The following SRPK2 variants were observed in gnomAD, a reference collection of about 807,000 sequenced individuals.
SRPK2 encodes SRSF protein kinase 2, also known as SFRS protein kinase 2.
SRPK2 carries 21 observed loss-of-function variants against 90.8 expected under a neutral mutation model. That is an observed-to-expected ratio of 0.23 (90% CI 0.16 to 0.33). SRPK2 has a LOEUF of 0.33. Among genes scored for constraint, SRPK2 ranks in the 10% least tolerant of loss-of-function variants. SRPK2 has a pLI of 1.00. For synonymous variants in SRPK2, 288 were observed against 311.1 expected (o/e 0.93, Z 0.78); for missense variants, 620 against 869.0 (o/e 0.71, Z 3.60).
chr7:105,251,256 G>C (rs1274833111), intron 2 of SRPK2, among the ~76,000 whole-genome samples: 1 of 152,176 alleles, frequency 6.6e-6, no homozygotes, highest in African/African-American at 2.4e-5. Flanking sequence ...AAAAGATCTG[G>C]TGTTTCTTAT....
chr7:105,360,807 G>A (rs570203082), intron 2 of SRPK2, among the ~76,000 whole-genome samples: 2 of 152,084 alleles, frequency 1.3e-5, no homozygotes, highest in Non-Finnish European at 2.9e-5. Flanking sequence ...CAATAAATTC[G>A]GTATTGACAG....
In SRPK2 at chr7:105,262,436, C is replaced by G. The variant is rs547285489; in HGVS notation, c.72-58651G>C. On this transcript the variant is annotated intron_variant, in intron 2 of 15. Coordinates refer to ENST00000393651, the MANE Select transcript of SRPK2 (RefSeq NM_182692.3). ...AGGACTGGAGCTCGAGGAAGTGGCTCCAAGGCGGACGGCTAAGCATCAAAA... is the reference window on the plus strand; with the variant it reads ...AGGACTGGAGCTCGAGGAAGTGGCTGCAAGGCGGACGGCTAAGCATCAAAA... Among the ~76,000 whole-genome samples, 14 of 152,242 alleles carry G rather than the reference C, an allele frequency of 9.2e-5. No homozygotes were observed. The South Asian group carries it at 2.7e-3, about 29-fold the overall frequency.
At chr7:105,178,723 C>T (rs1438613206) in intron 3 of SRPK2, among the ~76,000 whole-genome samples, 8 of 152,032 alleles carry the variant, frequency 5.3e-5, no homozygotes, top group Admixed American at 5.2e-4. Flanking sequence ...TCCGAAGGAT[C>T]ACTTGGGTCC....
At chr7:105,372,084 G>T (rs892543665) in intron 2 of SRPK2, among the ~76,000 whole-genome samples, 1 of 143,468 alleles carries the variant, frequency 7.0e-6, no homozygotes, top group Non-Finnish European at 1.5e-5. Flanking sequence ...GCAGTGAGCC[G>T]AGATAGCGCC....
chr7:105,170,977 G>GAAAGAAAGAAAGAGAA lies in SRPK2; in HGVS notation c.230-1713_230-1712insTTCTCTTTCTTTCTTT, dbSNP rs749907215. Among the ~76,000 whole-genome samples the GAAAGAAAGAAAGAGAA allele has an allele frequency of 8.8e-4, 37 of 42,216 alleles. 4 individuals carry two copies. Among genetic ancestry groups the GAAAGAAAGAAAGAGAA allele is most frequent in the African/African-American group, 3.7e-3 (37 of 10,008 alleles). The allele number at this position is 42,216 out of a possible 152,430, so 27.7% of individuals were successfully genotyped here. ...AAAGAAAGAAAGAAAGAGAAAGAAA[G>GAAAGAAAGAAAGAGAA]AGAAAGAAAGAAAGAAAGAGAAAGA... On this transcript the variant is annotated intron_variant, in intron 3 of 15. Transcript: ENST00000393651.
At chr7:105,146,680 G>GA (rs1804668792) in intron 7 of SRPK2, 22 bp from the exon 8 acceptor site, 2 of 1,610,478 alleles carry the variant, frequency 1.2e-6, no homozygotes, top group Non-Finnish European at 1.7e-6. Context: ...AAAATCAAGA[G>GA]AGAAGATAAG....
intron 2 of SRPK2, among the ~76,000 whole-genome samples, chr7:105,365,804 A>G (rs1018449958): frequency 6.6e-6 from 1 of 151,958 alleles, no homozygotes; most frequent in Admixed American, 6.6e-5. Context: ...AATTTAAAAA[A>G]ACAAAAAACA....
At position 105,388,866 on chromosome 7, in the gene SRPK2, G is replaced by T; in HGVS notation, c.-60C>A. 1 of 1,307,392 alleles carries T rather than the reference G, an allele frequency of 7.6e-7. No individual in the cohort carries two copies. Among genetic ancestry groups the T allele is most frequent in the Admixed American group, 4.2e-5 (1 of 23,814 alleles). 81.0% of individuals were successfully genotyped at this position (1,307,392 alleles called of 1,614,324 possible). ...GACGGCGACGCGGGCGCCGAGACGA[G>T]CTGGGCTGCAGCCTCCACTCGCTCC... On this transcript the variant is annotated 5_prime_UTR_variant, in exon 1 of 16. Transcript: ENST00000393651.
intron 2 of SRPK2, among the ~76,000 whole-genome samples, chr7:105,344,497 T>C (rs967003850): frequency 4.0e-5 from 6 of 149,228 alleles, no homozygotes; most frequent in Non-Finnish European, 7.4e-5. Context: ...CAAGTGATCC[T>C]CTTGCCTCAG....
At chr7:105,219,124 T>A (rs1336929952) in intron 2 of SRPK2, among the ~76,000 whole-genome samples, 1 of 152,044 alleles carries the variant, frequency 6.6e-6, no homozygotes, top group Non-Finnish European at 1.5e-5. Flanking sequence ...GACACATAGC[T>A]TCGTTGGATG....
intron 2 of SRPK2, among the ~76,000 whole-genome samples, chr7:105,382,183 A>G (rs556983768): frequency 4.6e-5 from 7 of 150,856 alleles, no homozygotes; most frequent in Non-Finnish European, 1.0e-4. Flanking sequence ...AAAAAGTAGA[A>G]GCAAAGTATA....
chr7:105,267,248 T>G (rs543802347), intron 2 of SRPK2, among the ~76,000 whole-genome samples: 17 of 152,182 alleles, frequency 1.1e-4, no homozygotes, highest in Non-Finnish European at 2.1e-4. Flanking sequence ...TCCTAATTTG[T>G]TTCTCAATAA....
intron 15 of SRPK2, 134 bp from the exon 16 acceptor site, chr7:105,118,156 A>T: frequency 1.2e-6 from 1 of 813,158 alleles, no homozygotes; most frequent in East Asian, 2.7e-5. Flanking sequence ...AAAGAACACC[A>T]GCTTTTCCCC....
rs578162910 is a variant in SRPK2, at chr7:105,294,968, T to C, written c.72-91183A>G. 2.0e-3 allele frequency among the ~76,000 whole-genome samples: 309 copies of C among 152,220 alleles called. 1 individual carries two copies. The highest frequency in any genetic ancestry group is 3.5e-3 in the Non-Finnish European group (241 of 67,996). On this transcript the variant is annotated intron_variant, in intron 2 of 15. Transcript: ENST00000393651. ...GCTCACACTTCTAATCCCAGCACTT[T>C]GGGAAACCGAGGCAGGTGGATCACC...
intron 2 of SRPK2, among the ~76,000 whole-genome samples, chr7:105,278,075 G>A (rs1056097266): frequency 6.6e-6 from 1 of 152,160 alleles, no homozygotes; most frequent in Non-Finnish European, 1.5e-5. Context: ...CAGCACTTTG[G>A]GAGGCTGAGG....
chr7:105,325,030 G>A (rs1466812758), intron 2 of SRPK2, among the ~76,000 whole-genome samples: 2 of 152,138 alleles, frequency 1.3e-5, no homozygotes, highest in Non-Finnish European at 2.9e-5. Context: ...CACTTAAGAG[G>A]CAGTTTCATT....
At chr7:105,380,074 G>A (rs1163511586) in intron 2 of SRPK2, among the ~76,000 whole-genome samples, 1 of 152,210 alleles carries the variant, frequency 6.6e-6, no homozygotes, top group African/African-American at 2.4e-5. Context: ...CCAAGAGGGT[G>A]AAAGCGGCCT....
intron 2 of SRPK2, among the ~76,000 whole-genome samples, chr7:105,385,712 G>A (rs567365386): frequency 8.4e-4 from 128 of 152,260 alleles, no homozygotes; most frequent in African/African-American, 3.0e-3. Context: ...CTCAGAGAGT[G>A]GACTCTGGTC....
chr7:105,218,894 C>G (rs1330494251), intron 2 of SRPK2, among the ~76,000 whole-genome samples: 1 of 122,142 alleles, frequency 8.2e-6, no homozygotes, highest in Admixed American at 8.1e-5. Flanking sequence ...CCCCAAAGAA[C>G]AAATAAAAGA....
Sources: allele counts gnomAD v4.1 joint callset (sites outside exome capture counted in the v4.1 genomes callset), GRCh38; gene constraint gnomAD v4.1.1; transcripts MANE v1.5; gene names NCBI Gene and HGNC (gene_info 2026-07-23, HGNC 2026-07-21).